Variants in PPIH observed in about 807,000 individuals in gnomAD.
PPIH encodes peptidyl-prolyl cis-trans isomerase H.
A neutral mutation model predicts 27.6 loss-of-function variants in PPIH; 16 were observed. That is an observed-to-expected ratio of 0.58 (90% CI 0.39 to 0.88). The LOEUF is 0.88. PPIH is among the 40% of genes least tolerant of loss of function. The probability of loss-of-function intolerance (pLI) is 0.00; values close to 1 mark genes in which losing one functional copy is unlikely to be tolerated. For missense variants in PPIH, 155 were observed against 224.1 expected, an observed-to-expected ratio of 0.69 and a Z score of 1.97; for synonymous variants, 63 against 76.1, an observed-to-expected ratio of 0.83 and a Z score of 0.90.
chr1:42,661,077 C>T (rs933746129), intron 5 of PPIH, 173 bp downstream of exon 5: 38 of 600,620 alleles, frequency 6.3e-5, no homozygotes, highest in South Asian at 6.1e-4. Flanking sequence ...TGGCTGGGTA[C>T]GACTGACTGT....
chr1:42,676,341 G>A (rs1182748553), intron 9 of PPIH, among the ~76,000 whole-genome samples: 4 of 152,032 alleles, frequency 2.6e-5, no homozygotes, highest in Admixed American at 2.0e-4. Flanking sequence ...GGTGGCAGGC[G>A]CCTGTATTCC....
At chr1:42,663,669 G>C (rs1649176137) in intron 5 of PPIH, among the ~76,000 whole-genome samples, 1 of 152,050 alleles carries the variant, frequency 6.6e-6, no homozygotes, top group African/African-American at 2.4e-5. Context: ...CAAAGTGATG[G>C]GATTACAGGT....
intron 5 of PPIH, among the ~76,000 whole-genome samples, chr1:42,662,654 A>C (rs969791044): frequency 1.3e-5 from 2 of 152,022 alleles, no homozygotes; most frequent in Non-Finnish European, 2.9e-5. Context: ...CCAAAGTTTG[A>C]CCAAGAATAT....
intron 5 of PPIH, among the ~76,000 whole-genome samples, chr1:42,661,692 T>C (rs906743321): frequency 6.6e-6 from 1 of 152,232 alleles, no homozygotes; most frequent in Admixed American, 6.5e-5. Flanking sequence ...TTTATGTGTT[T>C]ATTTAGTCTG....
In PPIH at chr1:42,659,530, G is replaced by A. The variant is rs749310621; in HGVS notation, c.164G>A (p.Gly55Glu). ...QFCTGEFRKD[G>E]VPIGYKGSTF... ...TTTCTTTTCGGTTATAGGAAAGATGGGGTTCCAATAGGATACAAAGGAAGC... is the reference window on the plus strand; with the variant it reads ...TTTCTTTTCGGTTATAGGAAAGATGAGGTTCCAATAGGATACAAAGGAAGC... Residue 55 changes from glycine (G) to glutamate (E), a missense_variant, in exon 4 of 10, where the codon GGG becomes GAG. Around this residue, in one of 2 missense-constraint regions of PPIH, gnomAD observed 96 missense variants for 175.3 expected, o/e 0.55. Transcript: ENST00000304979. The A allele has an allele frequency of 1.9e-6, 3 of 1,614,166 alleles. No homozygotes were observed. The highest frequency in any genetic ancestry group is 2.2e-5 in the East Asian group (1 of 44,882).
At chr1:42,679,146 C>T (rs142189816), downstream of PPIH, among the ~76,000 whole-genome samples, 2 of 152,326 alleles carry the variant, frequency 1.3e-5, no homozygotes, top group Admixed American at 1.3e-4. Flanking sequence ...TGCTCTCCCA[C>T]TTTGGAACAG....
chr1:42,680,795 T>G (rs1270903266), downstream of PPIH, among the ~76,000 whole-genome samples: 1 of 152,160 alleles, frequency 6.6e-6, no homozygotes, highest in Non-Finnish European at 1.5e-5. Context: ...CATGTAAAAA[T>G]TAAGGCTGTT....
intron 3 of PPIH, 103 bp downstream of exon 3, chr1:42,659,354 G>C (rs751353528): frequency 1.2e-6 from 2 of 1,614,116 alleles, no homozygotes; most frequent in South Asian, 2.2e-5. Flanking sequence ...AATGATTGCT[G>C]GTGACAGTGA....
chr1:42,663,543 G>A (rs1028579791), intron 5 of PPIH, among the ~76,000 whole-genome samples: 4 of 152,084 alleles, frequency 2.6e-5, no homozygotes, highest in Admixed American at 2.0e-4. Context: ...TGGGATTACA[G>A]GTACCACCAC....
downstream of PPIH, among the ~76,000 whole-genome samples, chr1:42,679,497 T>A (rs2148731847): frequency 6.6e-6 from 1 of 152,358 alleles, no homozygotes; most frequent in East Asian, 1.9e-4. Context: ...ACTAGTTTCT[T>A]AAACAGCTTA....
intron 5 of PPIH, among the ~76,000 whole-genome samples, chr1:42,661,650 G>C (rs1283519782): frequency 6.6e-6 from 1 of 152,056 alleles, no homozygotes; most frequent in Non-Finnish European, 1.5e-5. Context: ...TTGTGTTGCT[G>C]TTTTCTTGGA....
chr1:42,665,006 C>T, intron 6 of PPIH, 51 bp downstream of exon 6: 3 of 1,513,944 alleles, frequency 2.0e-6, no homozygotes, highest in Non-Finnish European at 2.8e-6. Context: ...GGTTCCTGGG[C>T]CCCTCTTGAG....
chr1:42,670,070 T>C, intron 9 of PPIH, among the ~76,000 whole-genome samples: 1 of 152,198 alleles, frequency 6.6e-6, no homozygotes, highest in Non-Finnish European at 1.5e-5. Context: ...ATGAGTTAAG[T>C]AGAGAGGGAG....
Position 42,664,844 on chromosome 1 carries a change from T to C in PPIH, c.244-19T>C. On this transcript the variant is annotated intron_variant, in intron 5 of 9. Coordinates refer to ENST00000304979, the MANE Select transcript of PPIH (RefSeq NM_006347.4). ...ACCCAACACTCCAAGTCACTAATAC[T>C]TCCCTTCTCTCTGCTCAGGGAGATG... The C allele has an allele frequency of 6.3e-7, 1 of 1,593,508 alleles. No homozygotes were observed. The highest frequency in any genetic ancestry group is 8.6e-7 in the Non-Finnish European group (1 of 1,166,470).
At chr1:42,670,835 G>A (rs986860580) in intron 9 of PPIH, among the ~76,000 whole-genome samples, 3 of 151,836 alleles carry the variant, frequency 2.0e-5, no homozygotes, top group Admixed American at 6.6e-5. Flanking sequence ...TCGCTCTGTC[G>A]CCCAGGCTGG....
downstream of PPIH, chr1:42,678,973 A>G (rs1232055636): frequency 6.6e-6 from 1 of 152,154 alleles, no homozygotes; most frequent in Non-Finnish European, 1.5e-5. Flanking sequence ...AGATGGGGGG[A>G]CAAGGTAAAA....
chr1:42,662,284 C>A (rs1334229392), intron 5 of PPIH, among the ~76,000 whole-genome samples: 3 of 152,218 alleles, frequency 2.0e-5, no homozygotes, highest in Admixed American at 6.5e-5. Flanking sequence ...GGGCTCACAT[C>A]TGTAATCCCA....
At chr1:42,677,778 T>A (rs775447140), downstream of PPIH, among the ~76,000 whole-genome samples, 4 of 152,180 alleles carry the variant, frequency 2.6e-5, no homozygotes, top group Admixed American at 6.5e-5. Context: ...TGAGTTATGA[T>A]CGTGCCACTA....
Position 42,674,626 on chromosome 1 carries a change from G to C in PPIH, c.*22-1958G>C, listed in dbSNP as rs893332602. Reference sequence around the variant, plus strand: ...AATATGAACCACTTAAGGATTTTCAGCAGAATACTGTAGATGAATTTTCAT... The same window carrying C: ...AATATGAACCACTTAAGGATTTTCACCAGAATACTGTAGATGAATTTTCAT... On this transcript the variant is annotated intron_variant, in intron 9 of 9. Transcript: ENST00000304979. Among the ~76,000 whole-genome samples the C allele has an allele frequency of 3.9e-5, 6 of 152,334 alleles. 1 individual carries two copies. Among genetic ancestry groups the C allele is most frequent in the Middle Eastern group, 6.8e-3 (2 of 294 alleles).
Sources: allele counts gnomAD v4.1 joint callset (sites outside exome capture counted in the v4.1 genomes callset), GRCh38; gene constraint gnomAD v4.1.1; regional missense constraint gnomAD v4.1.1; transcripts MANE v1.5; gene names NCBI Gene and HGNC (gene_info 2026-07-23, HGNC 2026-07-21).